RALGPS2: variants seen among roughly 807,000 people sequenced by gnomAD.
The protein encoded by RALGPS2 is ras-specific guanine nucleotide-releasing factor RalGPS2.
A neutral mutation model predicts 86.8 loss-of-function variants in RALGPS2; 43 were observed. The observed-to-expected ratio is 0.50, with a 90% CI of 0.39 to 0.64. RALGPS2 has a LOEUF of 0.64. RALGPS2 is among the 30% of genes least tolerant of loss of function. The pLI, the probability that RALGPS2 is intolerant of heterozygous loss-of-function variation, is 0.00. For missense variants in RALGPS2, 536 were observed against 694.6 expected (o/e 0.77, Z 2.57); for synonymous variants, 243 against 231.3 (o/e 1.05, Z -0.46).
In RALGPS2 at chr1:178,752,067, G is replaced by T. The variant is rs140690631; in HGVS notation, c.-83-24615G>T. 2.0e-4 allele frequency among the ~76,000 whole-genome samples: 31 copies of T among 151,940 alleles called. 2 individuals are homozygous for T. Among genetic ancestry groups the T allele is most frequent in the African/African-American group, 7.5e-4 (31 of 41,436 alleles). The stretch of plus-strand genomic sequence containing the variant: ...TTTGTAATTTACTGAGCCCAGATTG[G>T]TCCTAGTCTGCTACCTAGTAGGTAA... On this transcript the variant is annotated intron_variant, in intron 1 of 19. Transcript: ENST00000367635.
At chr1:178,860,163 T>TA (rs1190453587) in intron 8 of RALGPS2, among the ~76,000 whole-genome samples, 1 of 151,718 alleles carries the variant, frequency 6.6e-6, no homozygotes, top group Non-Finnish European at 1.5e-5. Flanking sequence ...TTTTTATAAA[T>TA]ACGCTATTTG....
intron 19 of RALGPS2, among the ~76,000 whole-genome samples, chr1:178,908,704 G>C (rs551956704): frequency 6.6e-6 from 1 of 152,216 alleles, no homozygotes; most frequent in East Asian, 1.9e-4. Flanking sequence ...TTGGCCATGT[G>C]TATTTCTTCT....
intron 1 of RALGPS2, among the ~76,000 whole-genome samples, chr1:178,731,271 G>GTTTTTTTTTTTTTTT (rs1491268143): frequency 4.3e-5 from 3 of 69,380 alleles, no homozygotes; most frequent in African/African-American, 1.6e-4. Flanking sequence ...TAGTTGTTTT[G>GTTTTTTTTTTTTTTT]GTTTTTTTTT....
At position 178,754,268 on chromosome 1, in the gene RALGPS2, A is replaced by G. The variant is rs141608280; in HGVS notation, c.-83-22414A>G. 2.4e-4 allele frequency among the ~76,000 whole-genome samples: 37 copies of G among 151,374 alleles called. No individual in the cohort carries two copies. In the East Asian group the frequency reaches 6.4e-3, roughly 26 times the overall value. On this transcript the variant is annotated intron_variant, in intron 1 of 19. Transcript: ENST00000367635. ...TAATCCTTATATAATTACATACACT[A>G]TATAATTTCTTATATAGTATATATT... is the stretch of plus-strand genomic sequence containing the variant.
chr1:178,727,644 C>T (rs1261823145), intron 1 of RALGPS2, among the ~76,000 whole-genome samples: 1 of 152,028 alleles, frequency 6.6e-6, no homozygotes, highest in African/African-American at 2.4e-5. Context: ...ATACCTGGTA[C>T]GAGTCTTTTT....
chr1:178,862,931 A>C (rs1195922649), intron 8 of RALGPS2, among the ~76,000 whole-genome samples: 1 of 152,236 alleles, frequency 6.6e-6, no homozygotes, highest in Non-Finnish European at 1.5e-5. Flanking sequence ...GAGTTACACC[A>C]GTTGGCAAGC....
chr1:178,886,002 G>C lies in RALGPS2; in HGVS notation c.1074G>C (p.Lys358Asn). The change falls in exon 13 of 20, where the codon AAG becomes AAC. Residue 358 changes from lysine to asparagine, a missense_variant. This residue lies in a region of RALGPS2 where 309 missense variants were observed against 363.0 expected (regional missense o/e 0.85). Transcript: ENST00000367635. The part of the protein sequence containing the change: ...FIHKMNTAEF[K>N]SATFPNAGPR... ...ATAAAATGAACACAGCAGAATTTAAGAGTGCAACGTTTCCAAATGCAGGAC... is the reference window on the plus strand; with the variant it reads ...ATAAAATGAACACAGCAGAATTTAACAGTGCAACGTTTCCAAATGCAGGAC... 1 of 1,609,548 alleles carries C rather than the reference G, an allele frequency of 6.2e-7. No individual in the cohort carries two copies. The highest frequency in any genetic ancestry group is 8.5e-7 in the Non-Finnish European group (1 of 1,178,138).
At chr1:178,737,662 G>C (rs1650791773) in intron 1 of RALGPS2, among the ~76,000 whole-genome samples, 1 of 152,066 alleles carries the variant, frequency 6.6e-6, no homozygotes, top group Non-Finnish European at 1.5e-5. Context: ...TTTACTTCTA[G>C]TATTTTTATG....
At chr1:178,854,333 A>G (rs971954045) in intron 8 of RALGPS2, among the ~76,000 whole-genome samples, 101 of 152,328 alleles carry the variant, frequency 6.6e-4, no homozygotes, top group African/African-American at 2.1e-3. Flanking sequence ...AGTGGAACAT[A>G]CTAGTACCTT....
chr1:178,732,515 G>T lies in RALGPS2; in HGVS notation c.-84+7096G>T, dbSNP rs185805649. On this transcript the variant is annotated intron_variant, in intron 1 of 19. Transcript: ENST00000367635. ...GGGTTTCACCATGTTAGCCAGGATG[G>T]TCTCAGATCTCCTGACCTCGTGATC... 1.9e-4 allele frequency among the ~76,000 whole-genome samples: 29 copies of T among 152,142 alleles called. No homozygotes were observed. The East Asian group carries it at 4.4e-3, about 23-fold the overall frequency.
chr1:178,903,986 A>G (rs1279267437), intron 18 of RALGPS2, among the ~76,000 whole-genome samples: 5 of 152,014 alleles, frequency 3.3e-5, no homozygotes, highest in Non-Finnish European at 5.9e-5. Flanking sequence ...GAAGTGTTGC[A>G]TGTTTACCAC....
chr1:178,843,815 G>C (rs551340352), intron 8 of RALGPS2, among the ~76,000 whole-genome samples: 14 of 152,108 alleles, frequency 9.2e-5, no homozygotes, highest in Admixed American at 2.0e-4. Flanking sequence ...TGAGATTATT[G>C]TGGACTCCTG....
intron 10 of RALGPS2, among the ~76,000 whole-genome samples, chr1:178,880,456 A>G (rs1412103874): frequency 6.6e-6 from 1 of 152,210 alleles, no homozygotes; most frequent in Admixed American, 6.5e-5. Context: ...CTACATGGTT[A>G]CTTACTTGAA....
intron 6 of RALGPS2, among the ~76,000 whole-genome samples, chr1:178,820,740 A>G (rs1044764539): frequency 4.6e-5 from 7 of 152,194 alleles, no homozygotes; most frequent in African/African-American, 1.7e-4. Flanking sequence ...TGCTTAAAAT[A>G]CATTCATTGA....
At chr1:178,734,039 T>C in intron 1 of RALGPS2, among the ~76,000 whole-genome samples, 1 of 152,256 alleles carries the variant, frequency 6.6e-6, no homozygotes, top group South Asian at 2.1e-4. Context: ...GACAACTCAA[T>C]TTAAAAACAG....
chr1:178,873,548 T>G (rs1658863017), intron 8 of RALGPS2, among the ~76,000 whole-genome samples: 1 of 152,194 alleles, frequency 6.6e-6, no homozygotes, highest in Non-Finnish European at 1.5e-5. Context: ...TGACACCATC[T>G]TGTAAAGTTG....
At chr1:178,888,197 T>C (rs1358649353) in intron 13 of RALGPS2, among the ~76,000 whole-genome samples, 1 of 152,192 alleles carries the variant, frequency 6.6e-6, no homozygotes, top group Non-Finnish European at 1.5e-5. Flanking sequence ...TAAAAGATCA[T>C]TGCATCCTAG....
At chr1:178,884,106 C>T (rs1362476903) in intron 11 of RALGPS2, among the ~76,000 whole-genome samples, 1 of 152,062 alleles carries the variant, frequency 6.6e-6, no homozygotes, top group Non-Finnish European at 1.5e-5. Context: ...TATGAATATT[C>T]ATTTTTGATT....
intron 5 of RALGPS2, 76 bp from the exon 6 acceptor site, chr1:178,811,239 A>G (rs1417339367): frequency 2.5e-6 from 3 of 1,222,682 alleles, no homozygotes; most frequent in Non-Finnish European, 1.1e-6. Context: ...AATTCTGCCA[A>G]AATTTTTTAA....
Sources: allele counts gnomAD v4.1 joint callset (sites outside exome capture counted in the v4.1 genomes callset), GRCh38; gene constraint gnomAD v4.1.1; regional missense constraint gnomAD v4.1.1; transcripts MANE v1.5; gene names NCBI Gene and HGNC (gene_info 2026-07-23, HGNC 2026-07-21).